RCL1: variants seen among roughly 807,000 people sequenced by gnomAD.
RCL1 encodes the protein RNA terminal phosphate cyclase like 1.
Under a neutral mutation model 42.4 loss-of-function variants are expected in RCL1, and 24 were observed. The observed-to-expected ratio is 0.57, with a 90% CI of 0.41 to 0.80. The LOEUF (loss-of-function observed/expected upper bound fraction) is 0.80. RCL1 is among the 30% of genes least tolerant of loss of function. RCL1 has a pLI of 0.00. For missense variants in RCL1, 578 were observed against 467.9 expected, an observed-to-expected ratio of 1.24 and a Z score of -2.17; for synonymous variants, 228 against 177.3, an observed-to-expected ratio of 1.29 and a Z score of -2.27.
At chr9:4,797,308 C>G (rs1842928431) in intron 1 of RCL1, among the ~76,000 whole-genome samples, 1 of 152,210 alleles carries the variant, frequency 6.6e-6, no homozygotes, top group Admixed American at 6.5e-5. Flanking sequence ...CTTGAACCCA[C>G]TGGGTATAGG....
intron 8 of RCL1, among the ~76,000 whole-genome samples, chr9:4,852,962 G>T (rs1314911331): frequency 6.6e-6 from 1 of 151,960 alleles, no homozygotes; most frequent in Non-Finnish European, 1.5e-5. Context: ...TTAAATTATG[G>T]ATTAAAAAAT....
intron 8 of RCL1, among the ~76,000 whole-genome samples, chr9:4,855,455 A>T (rs1364792596): frequency 1.3e-5 from 2 of 151,956 alleles, no homozygotes; most frequent in Non-Finnish European, 2.9e-5. Context: ...GGGAAATATG[A>T]ACTCAAGAGG....
At chr9:4,840,787 G>A (rs1446151974) in intron 5 of RCL1, among the ~76,000 whole-genome samples, 1 of 152,180 alleles carries the variant, frequency 6.6e-6, no homozygotes, top group East Asian at 1.9e-4. Context: ...CCTGTGTGGT[G>A]TCTGTTCTGG....
intron 8 of RCL1, among the ~76,000 whole-genome samples, chr9:4,851,920 G>A (rs957752427): frequency 8.8e-5 from 11 of 124,336 alleles, no homozygotes; most frequent in African/African-American, 2.5e-4. Context: ...TCGCTCTGTC[G>A]CCCAGGCTAG....
intron 1 of RCL1, among the ~76,000 whole-genome samples, chr9:4,819,290 T>A (rs532515834): frequency 3.0e-4 from 45 of 152,280 alleles, no homozygotes; most frequent in African/African-American, 1.1e-3. Context: ...GGGTTCATGG[T>A]CCTATGAGAA....
At chr9:4,793,357 G>A in intron 1 of RCL1, 130 bp downstream of exon 1, 3 of 1,095,132 alleles carry the variant, frequency 2.7e-6, no homozygotes, top group Non-Finnish European at 3.7e-6. Flanking sequence ...AGGGCAGGTG[G>A]CGCGTCGCCT....
At chr9:4,810,529 C>T (rs577399901) in intron 1 of RCL1, among the ~76,000 whole-genome samples, 99 of 151,722 alleles carry the variant, frequency 6.5e-4, no homozygotes, top group African/African-American at 2.1e-3. Context: ...TTCTTTACTA[C>T]GTCATGTTAT....
chr9:4,827,607 G>A (rs780343239), intron 3 of RCL1, among the ~76,000 whole-genome samples: 3 of 151,992 alleles, frequency 2.0e-5, no homozygotes, highest in Non-Finnish European at 4.4e-5. Context: ...TTTCACCAAG[G>A]GTCATGCCAG....
At chr9:4,834,995 G>A (rs1222321761) in intron 5 of RCL1, among the ~76,000 whole-genome samples, 1 of 152,218 alleles carries the variant, frequency 6.6e-6, no homozygotes, top group Non-Finnish European at 1.5e-5. Flanking sequence ...AAGGAGCCTT[G>A]AAGAACAGAG....
At chr9:4,825,964 A>G (rs924651585) in intron 2 of RCL1, among the ~76,000 whole-genome samples, 3 of 151,886 alleles carry the variant, frequency 2.0e-5, no homozygotes, top group African/African-American at 7.2e-5. Flanking sequence ...GTGTGGTAGC[A>G]TGTGCCTAGG....
At position 4,844,659 on chromosome 9, in the gene RCL1, T is replaced by G. The variant is rs150048896; in HGVS notation, c.845T>G (p.Leu282Arg). The change falls in exon 7 of 9, where the codon CTG (leucine) becomes CGG (arginine). Residue 282 changes from leucine to arginine, a missense_variant. Coordinates refer to ENST00000381750, the MANE Select transcript of RCL1 (RefSeq NM_005772.5). ...PEDLGRNCAR[L>R]LLEEIYRGGC... ...GACCTTGGCAGGAACTGTGCCCGGC[T>G]GCTGCTGGAGGAAATCTACAGGGTA... 4.1e-4 allele frequency: 654 copies of G among 1,613,426 alleles called. No homozygotes were observed. The highest frequency in any genetic ancestry group is 5.0e-4 in the Non-Finnish European group (587 of 1,179,810).
intron 3 of RCL1, among the ~76,000 whole-genome samples, chr9:4,831,301 G>T (rs1816936794): frequency 6.7e-6 from 1 of 149,010 alleles, no homozygotes; most frequent in African/African-American, 2.6e-5. Flanking sequence ...GGAATGCTGT[G>T]TTTTTTCACC....
chr9:4,823,573 A>T lies in RCL1; in HGVS notation c.162A>T (p.Leu54=), dbSNP rs745512074. 2 of 1,611,876 alleles carry T rather than the reference A, an allele frequency of 1.2e-6. No individual in the cohort carries two copies. The highest frequency in any genetic ancestry group is 3.4e-5 in the Admixed American group (2 of 59,640). The change falls in exon 2 of 9, where the codon CTA becomes CTT. Residue 54 remains leucine, a synonymous_variant. Transcript: ENST00000381750. ...ATTTTGAAGCCAGCTTCATAAGGCTATTGGACAAAATAACGAATGGTTCTC... is the reference window on the plus strand; with the variant it reads ...ATTTTGAAGCCAGCTTCATAAGGCTTTTGGACAAAATAACGAATGGTTCTC... ...LRDFEASFIR[L]LDKITNGSRI... is the part of the protein sequence containing the mutation.
At chr9:4,806,686 CTT>C (rs2130976097) in intron 1 of RCL1, among the ~76,000 whole-genome samples, 1 of 149,628 alleles carries the variant, frequency 6.7e-6, no homozygotes, top group Non-Finnish European at 1.5e-5. Context: ...TTGTTAAGGA[CTT>C]TTGTTTGTAT....
chr9:4,831,172 C>A (rs1432794439), intron 3 of RCL1, among the ~76,000 whole-genome samples: 3 of 152,166 alleles, frequency 2.0e-5, no homozygotes, highest in African/African-American at 7.2e-5. Context: ...TCTTCCATGT[C>A]ATATGGAGAG....
At chr9:4,823,951 C>T (rs1296910306) in intron 2 of RCL1, among the ~76,000 whole-genome samples, 1 of 152,094 alleles carries the variant, frequency 6.6e-6, no homozygotes, top group African/African-American at 2.4e-5. Flanking sequence ...CCAGTTACCT[C>T]TCTGTGATAT....
At chr9:4,827,106 G>C in intron 3 of RCL1, 73 bp downstream of exon 3, 1 of 1,601,348 alleles carries the variant, frequency 6.2e-7, no homozygotes, top group Non-Finnish European at 8.5e-7. Flanking sequence ...TGAGAAAAAA[G>C]TTCCTTATAA....
At chr9:4,826,790 C>A (rs35911015) in intron 2 of RCL1, 68 bp from the exon 3 acceptor site, 229 of 1,368,342 alleles carry the variant, frequency 1.7e-4, no homozygotes, top group Non-Finnish European at 2.0e-4. Flanking sequence ...GAACTCACTG[C>A]CTTCATTACC....
intron 7 of RCL1, among the ~76,000 whole-genome samples, chr9:4,846,701 C>A (rs554251305): frequency 7.4e-4 from 112 of 152,176 alleles, no homozygotes; most frequent in Non-Finnish European, 2.2e-4. Context: ...GGGACACTTC[C>A]ATGTCTTTCT....
Sources: allele counts gnomAD v4.1 joint callset (sites outside exome capture counted in the v4.1 genomes callset), GRCh38; gene constraint gnomAD v4.1.1; transcripts MANE v1.5; gene names NCBI Gene and HGNC (gene_info 2026-07-23, HGNC 2026-07-21).